The following SPAG16 variants were observed in gnomAD, a reference collection of about 807,000 sequenced individuals.
SPAG16 encodes the protein sperm-associated antigen 16 protein.
Under a neutral mutation model 80.4 loss-of-function variants are expected in SPAG16, and 86 were observed. That is an observed-to-expected ratio of 1.07 (90% CI 0.90 to 1.28). The LOEUF is 1.28. Among genes scored for constraint, SPAG16 ranks in the 50% most tolerant of loss-of-function variants. The pLI is 0.00. For synonymous variants in SPAG16, 294 were observed against 265.9 expected, an observed-to-expected ratio of 1.11 and a Z score of -1.03; for missense variants, 870 against 765.3, an observed-to-expected ratio of 1.14 and a Z score of -1.61.
intron 10 of SPAG16, among the ~76,000 whole-genome samples, chr2:213,589,665 T>A (rs1576100733): frequency 1.3e-5 from 2 of 152,148 alleles, no homozygotes; most frequent in East Asian, 3.9e-4. Context: ...CTCACACCTG[T>A]AATCCCGGCA....
At chr2:213,416,827 T>C (rs970516656) in intron 9 of SPAG16, among the ~76,000 whole-genome samples, 2 of 152,158 alleles carry the variant, frequency 1.3e-5, no homozygotes, top group Non-Finnish European at 2.9e-5. Context: ...TAAACCATGC[T>C]AACTGGGAAA....
chr2:214,333,724 A>G (rs1210375023), intron 15 of SPAG16, among the ~76,000 whole-genome samples: 5 of 152,044 alleles, frequency 3.3e-5, no homozygotes, highest in Non-Finnish European at 7.4e-5. Flanking sequence ...CAGACTGGGT[A>G]TTGGAGCTCC....
chr2:213,990,312 C>T (rs1005750882), intron 12 of SPAG16, among the ~76,000 whole-genome samples: 15 of 151,154 alleles, frequency 9.9e-5, no homozygotes, highest in Non-Finnish European at 2.1e-4. Flanking sequence ...TGTATTAGAG[C>T]TAAGAAATTA....
chr2:213,545,800 G>T (rs2076593180), intron 10 of SPAG16, among the ~76,000 whole-genome samples: 1 of 152,064 alleles, frequency 6.6e-6, no homozygotes, highest in Non-Finnish European at 1.5e-5. Context: ...GGGTTTGTGT[G>T]ATGTGATGGC....
intron 9 of SPAG16, among the ~76,000 whole-genome samples, chr2:213,481,238 C>T (rs2073733863): frequency 1.3e-5 from 2 of 152,088 alleles, no homozygotes. Context: ...CCACTTCTAT[C>T]AATTTTAGGT....
intron 10 of SPAG16, among the ~76,000 whole-genome samples, chr2:213,527,848 C>G (rs1359006904): frequency 6.6e-6 from 1 of 151,976 alleles, no homozygotes; most frequent in Non-Finnish European, 1.5e-5. Context: ...CTGTATATTT[C>G]TTGCAGCACA....
chr2:214,251,318 G>A (rs1320263229), intron 15 of SPAG16, among the ~76,000 whole-genome samples: 5 of 151,614 alleles, frequency 3.3e-5, no homozygotes, highest in Admixed American at 3.3e-4. Context: ...AGAAGTATGA[G>A]GTCAATTTCA....
At chr2:214,391,367 G>A (rs545195550) in intron 15 of SPAG16, among the ~76,000 whole-genome samples, 11 of 152,162 alleles carry the variant, frequency 7.2e-5, no homozygotes, top group South Asian at 2.1e-4. Flanking sequence ...TTCATTAAAC[G>A]TATTTCTTCT....
chr2:213,911,480 A>G (rs557942782), intron 11 of SPAG16, among the ~76,000 whole-genome samples: 9 of 152,198 alleles, frequency 5.9e-5, no homozygotes, highest in South Asian at 4.1e-4. Context: ...ATAGTTATGT[A>G]AAGTCTGAAA....
At position 214,149,275 on chromosome 2, in the gene SPAG16, A is replaced by G. The variant is rs760425226; in HGVS notation, c.1720+9A>G. The G allele has an allele frequency of 3.9e-6, 6 of 1,547,724 alleles. No homozygotes were observed. Among genetic ancestry groups the G allele is most frequent in the Non-Finnish European group, 4.4e-6 (5 of 1,147,350 alleles). The stretch of plus-strand genomic sequence containing the variant: ...GAATTTTGATTCATCAGGTAGGATC[A>G]TTTTTGTCTAATGTTTCTGACTAAG... On this transcript the variant is annotated intron_variant, in intron 15 of 15. Transcript: ENST00000331683.
chr2:214,003,959 T>G (rs568867299), intron 12 of SPAG16, among the ~76,000 whole-genome samples: 19 of 152,160 alleles, frequency 1.2e-4, no homozygotes, highest in Non-Finnish European at 2.2e-4. Flanking sequence ...ATGAAAAACA[T>G]GGCAATAAAT....
intron 15 of SPAG16, among the ~76,000 whole-genome samples, chr2:214,156,983 G>A (rs2056242163): frequency 6.6e-6 from 1 of 152,236 alleles, no homozygotes; most frequent in South Asian, 2.1e-4. Flanking sequence ...GTGACCAGGT[G>A]GTCCTTCTGA....
intron 9 of SPAG16, among the ~76,000 whole-genome samples, chr2:213,376,996 C>T (rs2066912321): frequency 6.6e-6 from 1 of 152,030 alleles, no homozygotes; most frequent in Non-Finnish European, 1.5e-5. Flanking sequence ...TCATATTTTC[C>T]TTCATAGATT....
chr2:213,515,660 A>G (rs1025481779), intron 10 of SPAG16, among the ~76,000 whole-genome samples: 2 of 152,216 alleles, frequency 1.3e-5, no homozygotes, highest in Non-Finnish European at 2.9e-5. Flanking sequence ...GGAGTTTAAA[A>G]ATATCTTTCT....
At chr2:214,393,240 A>T (rs948552762) in intron 15 of SPAG16, among the ~76,000 whole-genome samples, 9 of 152,324 alleles carry the variant, frequency 5.9e-5, no homozygotes, top group African/African-American at 1.7e-4. Context: ...TGGGTAACTT[A>T]TCTTTGTTTT....
intron 10 of SPAG16, among the ~76,000 whole-genome samples, chr2:213,698,668 C>A (rs995215594): frequency 6.6e-6 from 1 of 152,184 alleles, no homozygotes; most frequent in Non-Finnish European, 1.5e-5. Flanking sequence ...TTAGTACTCA[C>A]CTGGACAAAT....
At chr2:214,077,949 T>C (rs1258041974) in intron 13 of SPAG16, among the ~76,000 whole-genome samples, 1 of 152,200 alleles carries the variant, frequency 6.6e-6, no homozygotes, top group Admixed American at 6.5e-5. Context: ...CACTTCTCTT[T>C]CTCTCATTGC....
chr2:213,803,155 A>G (rs541175597), intron 10 of SPAG16, among the ~76,000 whole-genome samples: 1 of 152,372 alleles, frequency 6.6e-6, no homozygotes, highest in East Asian at 1.9e-4. Flanking sequence ...GTATCCTACA[A>G]GTAGGACAAT....
At chr2:214,289,066 C>A (rs1693601800) in intron 15 of SPAG16, among the ~76,000 whole-genome samples, 1 of 151,736 alleles carries the variant, frequency 6.6e-6, no homozygotes, top group Non-Finnish European at 1.5e-5. Flanking sequence ...CCGTTCCCAG[C>A]CCTTTGCCCA....
Sources: gnomAD v4.1 joint callset for allele counts (sites outside exome capture counted in the v4.1 genomes callset) on GRCh38, gnomAD v4.1.1 for gene constraint, MANE v1.5 for transcripts, NCBI Gene and HGNC (gene_info 2026-07-23, HGNC 2026-07-21) for gene names.